Variants in SLC9A6 observed in about 807,000 individuals in gnomAD.
The protein encoded by SLC9A6 is sodium/hydrogen exchanger 6.
Under a neutral mutation model 45.3 loss-of-function variants are expected in SLC9A6, and 6 were observed. The observed-to-expected ratio is 0.13, with a 90% confidence interval of 0.07 to 0.26. The LOEUF (loss-of-function observed/expected upper bound fraction) is 0.26. Among genes scored for constraint, SLC9A6 ranks in the 10% least tolerant of loss-of-function variants. SLC9A6 has a pLI of 1.00. For missense variants in SLC9A6, 278 were observed against 503.7 expected (o/e 0.55, Z 4.29); for synonymous variants, 191 against 187.7 (o/e 1.02, Z -0.14).
intron 15 of SLC9A6, 90 bp downstream of exon 15, chrX:136,030,252 A>G: frequency 2.3e-6 from 2 of 872,895 alleles, no homozygotes; most frequent in Non-Finnish European, 3.4e-6. Flanking sequence ...TCAACCTTCT[A>G]TTTAGATCCT....
At position 136,022,777 on chromosome X, in the gene SLC9A6, G is replaced by A. The variant is rs2071150979; in HGVS notation, c.1306+80G>A. ...TGCCAGCTTGATGTAACACTGAGAT[G>A]TTATGCTGGTCATATAATACTCCTT... On this transcript the variant is annotated intron_variant, in intron 12 of 17. Coordinates refer to ENST00000630721, the MANE Select transcript of SLC9A6 (RefSeq NM_001379110.1). The A allele has an allele frequency of 5.8e-6, 3 of 520,926 alleles. No homozygotes were observed. The South Asian group carries it at 7.1e-5, about 12-fold the overall frequency. 42.9% of individuals were successfully genotyped at this position (520,926 alleles called of 1,213,427 possible). A position where few individuals can be genotyped will look rare whatever the true frequency, so the allele number is the denominator to read the frequency against.
chrX:135,987,015 C>A (rs973120401), intron 2 of SLC9A6, among the ~76,000 whole-genome samples: 13 of 110,876 alleles, frequency 1.2e-4, no homozygotes, highest in African/African-American at 3.6e-4. Context: ...AACCCCCGCC[C>A]CCTAGTAAAT....
chrX:135,985,812 C>T lies in SLC9A6; in HGVS notation c.154C>T (p.Leu52=), dbSNP rs1166261585. The T allele has an allele frequency of 1.7e-6, 2 of 1,211,583 alleles. No individual in the cohort carries two copies. Among genetic ancestry groups the T allele is most frequent in the Non-Finnish European group, 2.2e-6 (2 of 895,498 alleles). The part of the protein sequence containing the change: ...RRARFLHETG[L]AMIYGLLVGL... Reference sequence around the variant, plus strand: ...GGCCCGCTTCCTGCACGAAACCGGCCTGGCTATGATTTATGGCAAGTTCCT... The same window carrying T: ...GGCCCGCTTCCTGCACGAAACCGGCTTGGCTATGATTTATGGCAAGTTCCT... The change falls in exon 2 of 18, where the codon CTG becomes TTG. Residue 52 remains leucine (L), a synonymous_variant. Coordinates refer to ENST00000630721, the MANE Select transcript of SLC9A6 (RefSeq NM_001379110.1).
rs570597590 is a variant in SLC9A6 at position 136,003,899 on chromosome X, G to T, written c.743+1686G>T. 3.3e-4 allele frequency among the ~76,000 whole-genome samples: 36 copies of T among 110,558 alleles called. No individual in the cohort carries two copies. The South Asian group carries it at 0.012, about 37-fold the overall frequency. ...TTCAAAACATTTTTAATCTCTAGAAGTGTTAATATATATTATAGATATGTA... is the reference window on the plus strand; with the variant it reads ...TTCAAAACATTTTTAATCTCTAGAATTGTTAATATATATTATAGATATGTA... On this transcript the variant is annotated intron_variant, in intron 7 of 17. Transcript: ENST00000630721.
At chrX:135,996,454 C>T (rs954457348) in intron 3 of SLC9A6, among the ~76,000 whole-genome samples, 8 of 111,478 alleles carry the variant, frequency 7.2e-5, no homozygotes, top group African/African-American at 1.3e-4. Context: ...TTCTAGTTAA[C>T]GAAGTTTTAG....
In SLC9A6 at chrX:136,044,936, G is replaced by A; in HGVS notation, c.*212G>A. The A allele has an allele frequency of 2.4e-6, 1 of 417,224 alleles. No individual in the cohort carries two copies. 34.4% of individuals were successfully genotyped at this position (417,224 alleles called of 1,213,427 possible). A position where few individuals can be genotyped will look rare whatever the true frequency, so the allele number is the denominator to read the frequency against. On this transcript the variant is annotated 3_prime_UTR_variant, in exon 18 of 18. Coordinates refer to ENST00000630721, the MANE Select transcript of SLC9A6 (RefSeq NM_001379110.1). ...TTTCCTGGTTGCACTCTGTAGACTG[G>A]ATCTGTTTTAGGAAGTTACTTTCAC... is the stretch of plus-strand genomic sequence containing the variant.
At chrX:135,974,014 G>A (rs1224066990), upstream of SLC9A6, 1 of 708,395 alleles carries the variant, frequency 1.4e-6, no homozygotes, top group South Asian at 2.3e-5. Context: ...ATGGGGGCAG[G>A]GCCAGTGGCG....
intron 10 of SLC9A6, among the ~76,000 whole-genome samples, chrX:136,014,791 A>G (rs1327415527): frequency 8.9e-6 from 1 of 112,479 alleles, no homozygotes; most frequent in African/African-American, 3.2e-5. Context: ...ACAACAAAAA[A>G]CTAGAACAGG....
chrX:136,023,888 T>C (rs1305526640), intron 12 of SLC9A6, among the ~76,000 whole-genome samples: 5 of 111,491 alleles, frequency 4.5e-5, no homozygotes, highest in African/African-American at 1.6e-4. Flanking sequence ...TATTTCTGTT[T>C]GTACTTTTTT....
At chrX:136,019,395 C>G (rs1323725228) in intron 11 of SLC9A6, among the ~76,000 whole-genome samples, 2 of 111,771 alleles carry the variant, frequency 1.8e-5, no homozygotes, top group East Asian at 5.6e-4. Context: ...GCACACGTCC[C>G]TTCCACTTAA....
intron 11 of SLC9A6, among the ~76,000 whole-genome samples, chrX:136,020,532 G>A (rs781886992): frequency 1.8e-5 from 2 of 110,329 alleles, no homozygotes; most frequent in Admixed American, 9.7e-5. Flanking sequence ...CACCACGCCC[G>A]GCTAATTTTT....
chrX:136,029,945 A>G, intron 14 of SLC9A6, 187 bp from the exon 15 acceptor site: 2 of 461,002 alleles, frequency 4.3e-6, no homozygotes, highest in Non-Finnish European at 7.7e-6. Flanking sequence ...TTGCCTTAGA[A>G]TCCAAGCTGT....
intron 6 of SLC9A6, among the ~76,000 whole-genome samples, chrX:136,000,293 A>ATTAG (rs1233696219): frequency 1.6e-4 from 16 of 100,535 alleles, no homozygotes; most frequent in Non-Finnish European, 8.0e-5. Flanking sequence ...ATTTTAAAGG[A>ATTAG]TTAGTTAGAG....
intron 1 of SLC9A6, among the ~76,000 whole-genome samples, chrX:135,978,627 G>A (rs1234002407): frequency 9.3e-6 from 1 of 107,108 alleles, no homozygotes; most frequent in Non-Finnish European, 1.9e-5. Flanking sequence ...ACTCCAGTCT[G>A]GGCAACAGAG....
chrX:135,998,550 C>T lies in SLC9A6; in HGVS notation c.516C>T (p.Phe172=), dbSNP rs1423014570. 10 of 1,156,956 alleles carry T rather than the reference C, an allele frequency of 8.6e-6. No homozygotes were observed. The highest frequency in any genetic ancestry group is 1.9e-5 in the South Asian group (1 of 51,370). The part of the protein sequence containing the change: ...YAFLGTAISC[F]VIGSIMYGCV... ...TTCTTGGAACAGCAATTTCTTGTTT[C>T]GTTATTGGGTAAGTATTTTAAGCTT... The change falls in exon 5 of 18, where the codon TTC becomes TTT. Residue 172 remains phenylalanine, a synonymous_variant. Transcript: ENST00000630721.
chrX:136,009,282 A>G (rs2070874450), intron 7 of SLC9A6, among the ~76,000 whole-genome samples: 2 of 111,914 alleles, frequency 1.8e-5, no homozygotes, highest in Admixed American at 9.5e-5. Flanking sequence ...AACATTTTCA[A>G]TTTAGAGTGA....
chrX:135,986,060 C>T lies in SLC9A6; in HGVS notation c.169+233C>T, dbSNP rs782599757. Among the ~76,000 whole-genome samples the T allele has an allele frequency of 2.1e-4, 23 of 109,711 alleles. No homozygotes were observed. The East Asian group carries it at 5.5e-3, about 26-fold the overall frequency. ...ACACCTTTTTCGCTTCCGACCCCAC[C>T]CCCTTTTTCCTCCGCACCCCCAGCC... On this transcript the variant is annotated intron_variant, in intron 2 of 17. Transcript: ENST00000630721.
chrX:136,011,439 A>G (rs2070919341), intron 8 of SLC9A6, among the ~76,000 whole-genome samples: 1 of 109,893 alleles, frequency 9.1e-6, no homozygotes, highest in Non-Finnish European at 1.9e-5. Context: ...ATGGGGTTTC[A>G]TCATGTCGGC....
intron 3 of SLC9A6, among the ~76,000 whole-genome samples, chrX:135,996,946 T>G (rs1556616613): frequency 9.0e-6 from 1 of 110,528 alleles, no homozygotes; most frequent in African/African-American, 3.3e-5. Context: ...TTTTGTATTT[T>G]TAATAGAGAC....
Sources: allele counts gnomAD v4.1 joint callset (sites outside exome capture counted in the v4.1 genomes callset), GRCh38; gene constraint gnomAD v4.1.1; transcripts MANE v1.5; gene names NCBI Gene and HGNC (gene_info 2026-07-23, HGNC 2026-07-21).